RIPOR3: variants seen among roughly 807,000 people sequenced by gnomAD.
RIPOR3 encodes the protein family with sequence similarity 65 member C.
RIPOR3 carries 95 observed loss-of-function variants against 114.3 expected under a neutral mutation model. The observed-to-expected ratio is 0.83, with a 90% confidence interval of 0.70 to 0.99. The LOEUF (loss-of-function observed/expected upper bound fraction) is 0.99. Ranked by LOEUF, RIPOR3 falls within the 50% of genes least tolerant of loss-of-function variation. RIPOR3 has a pLI of 0.00. For missense variants in RIPOR3, 1,252 were observed against 1,266.9 expected (o/e 0.99, Z 0.18); for synonymous variants, 575 against 543.8 (o/e 1.06, Z -0.80).
chr20:50,666,702 A>G (rs535080592), intron 1 of RIPOR3, among the ~76,000 whole-genome samples: 76 of 152,166 alleles, frequency 5.0e-4, no homozygotes, highest in African/African-American at 1.8e-3. Context: ...CTGGGACTAC[A>G]GGCGTGTGCC....
At chr20:50,657,231 CAAAG>C (rs953193501) in intron 1 of RIPOR3, among the ~76,000 whole-genome samples, 8 of 152,232 alleles carry the variant, frequency 5.3e-5, no homozygotes, top group Middle Eastern at 3.4e-3. Flanking sequence ...TCCACACACA[CAAAG>C]AAAGAGAGAG....
At chr20:50,597,282 A>G in intron 14 of RIPOR3, 1 of 347,710 alleles carries the variant, frequency 2.9e-6, no homozygotes, top group East Asian at 6.0e-5. Flanking sequence ...AACTTCTACT[A>G]TATACTTGGT....
At chr20:50,630,679 C>T (rs927983448) in intron 2 of RIPOR3, 59 bp downstream of exon 2, 12 of 1,444,176 alleles carry the variant, frequency 8.3e-6, no homozygotes, top group Non-Finnish European at 1.1e-5. Context: ...CCTGCCCTTC[C>T]CCAGCCCATT....
At chr20:50,684,847 C>G (rs529273811) in intron 1 of RIPOR3, among the ~76,000 whole-genome samples, 13 of 152,318 alleles carry the variant, frequency 8.5e-5, no homozygotes, top group African/African-American at 3.1e-4. Context: ...ACAAACATGG[C>G]TCATTGCAGC....
chr20:50,654,436 T>TG (rs1348597951), intron 1 of RIPOR3, among the ~76,000 whole-genome samples: 1 of 136,840 alleles, frequency 7.3e-6, no homozygotes, highest in Non-Finnish European at 1.6e-5. Flanking sequence ...TTTTTTTTTT[T>TG]TTTTTTTTTT....
intron 20 of RIPOR3, among the ~76,000 whole-genome samples, chr20:50,589,127 C>T (rs1295692882): frequency 6.9e-6 from 1 of 145,742 alleles, no homozygotes; most frequent in Non-Finnish European, 1.5e-5. Context: ...AAAGTGCTGC[C>T]AGTCTAACAC....
chr20:50,594,611 C>T lies in RIPOR3; in HGVS notation c.2154G>A (p.Gln718=), dbSNP rs1268912024. The change falls in exon 17 of 22, where the codon CAG becomes CAA. Residue 718 remains glutamine (Q), a synonymous_variant. Coordinates refer to ENST00000327979, the MANE Select transcript of RIPOR3 (RefSeq NM_001290268.2). ...CTCTGTGCTGGAAGGTTTTCTTGAG[C>T]TGGTTCAGCAGCGTCGTGGCAGGGC... ...LSCPATTLLN[Q]LKKTFQHRVR... The T allele has an allele frequency of 6.2e-7, 1 of 1,614,070 alleles. No individual in the cohort carries two copies. Among genetic ancestry groups the T allele is most frequent in the Admixed American group, 1.7e-5 (1 of 60,014 alleles).
intron 20 of RIPOR3, among the ~76,000 whole-genome samples, chr20:50,588,758 A>G (rs2083006256): frequency 1.3e-5 from 2 of 151,236 alleles, no homozygotes; most frequent in South Asian, 4.2e-4. Context: ...TGAAAAAAAA[A>G]AAAAAAAAAA....
intron 1 of RIPOR3, among the ~76,000 whole-genome samples, chr20:50,649,983 A>G (rs770744959): frequency 4.6e-5 from 7 of 152,276 alleles, no homozygotes; most frequent in Admixed American, 1.3e-4. Context: ...CATACTTTAT[A>G]GCCTGCAGTC....
Position 50,609,362 on chromosome 20 carries a change from A to G in RIPOR3, c.577-6T>C. On this transcript the variant is annotated splice_polypyrimidine_tract_variant and splice_region_variant and intron_variant, in intron 7 of 21. Coordinates refer to ENST00000327979, the MANE Select transcript of RIPOR3 (RefSeq NM_001290268.2). ...CCCTCGATGAGCCACATGTCCTGCA[A>G]AGCCCCGGAGGTGGCTCAGCTGGCT... 1 of 1,613,224 alleles carries G rather than the reference A, an allele frequency of 6.2e-7. No homozygotes were observed. Among genetic ancestry groups the G allele is most frequent in the South Asian group, 1.1e-5 (1 of 90,920 alleles).
At chr20:50,651,597 G>A (rs192233510) in intron 1 of RIPOR3, among the ~76,000 whole-genome samples, 3 of 152,252 alleles carry the variant, frequency 2.0e-5, no homozygotes, top group African/African-American at 7.2e-5. Context: ...TCGAATCTTG[G>A]CAATTCCATC....
intron 1 of RIPOR3, among the ~76,000 whole-genome samples, chr20:50,643,732 G>T (rs2085289890): frequency 7.1e-6 from 1 of 141,312 alleles, no homozygotes; most frequent in African/African-American, 2.6e-5. Context: ...TTGAGATGGA[G>T]CCTCACTCTG....
intron 2 of RIPOR3, 70 bp downstream of exon 2, chr20:50,630,668 C>A (rs145115161): frequency 7.3e-7 from 1 of 1,363,760 alleles, no homozygotes; most frequent in East Asian, 2.5e-5. Context: ...AGGAGGATGA[C>A]CCTGCCCTTC....
At chr20:50,621,110 A>C in intron 2 of RIPOR3, 1 of 286,162 alleles carries the variant, frequency 3.5e-6, no homozygotes, top group Admixed American at 5.3e-5. Flanking sequence ...GGAAATATAG[A>C]ACAGCTTGAC....
chr20:50,688,745 G>A (rs999540959), intron 1 of RIPOR3, among the ~76,000 whole-genome samples: 4 of 152,190 alleles, frequency 2.6e-5, no homozygotes, highest in African/African-American at 9.7e-5. Flanking sequence ...CACCATGGAC[G>A]CTGCTGTGCT....
At chr20:50,605,060 C>T (rs2083657669) in intron 11 of RIPOR3, among the ~76,000 whole-genome samples, 1 of 152,004 alleles carries the variant, frequency 6.6e-6, no homozygotes, top group Non-Finnish European at 1.5e-5. Flanking sequence ...GTAGCTATGA[C>T]CACAGGCATG....
intron 1 of RIPOR3, among the ~76,000 whole-genome samples, chr20:50,683,124 G>A (rs1359434566): frequency 2.6e-5 from 4 of 152,212 alleles, no homozygotes; most frequent in Non-Finnish European, 5.9e-5. Context: ...TGTGCGTAAT[G>A]CCGCTGAATT....
intron 2 of RIPOR3, among the ~76,000 whole-genome samples, chr20:50,625,031 C>T (rs1281696520): frequency 2.0e-5 from 3 of 151,750 alleles, no homozygotes; most frequent in East Asian, 3.9e-4. Flanking sequence ...GGCATGCACT[C>T]GGCACTTGCC....
At chr20:50,590,602 C>T (rs1309341664) in intron 19 of RIPOR3, among the ~76,000 whole-genome samples, 1 of 152,164 alleles carries the variant, frequency 6.6e-6, no homozygotes, top group South Asian at 2.1e-4. Flanking sequence ...TCGGGTCCTC[C>T]CGCTCCTCCT....
Sources: allele counts gnomAD v4.1 joint callset (sites outside exome capture counted in the v4.1 genomes callset), GRCh38; gene constraint gnomAD v4.1.1; transcripts MANE v1.5; gene names NCBI Gene and HGNC (gene_info 2026-07-23, HGNC 2026-07-21).